TBC1D1: variants seen among roughly 807,000 people sequenced by gnomAD.
TBC1D1 encodes TBC1 domain family member 1, also known as TBC1 (tre-2/USP6, BUB2, cdc16) domain family, member 1.
A neutral mutation model predicts 125.6 loss-of-function variants in TBC1D1; 89 were observed. The ratio of observed to expected loss-of-function variants is 0.71; its 90% CI spans 0.60 to 0.85. The LOEUF is 0.85. Among genes scored for constraint, TBC1D1 ranks in the 40% least tolerant of loss-of-function variants. TBC1D1 has a pLI of 0.00. For synonymous variants in TBC1D1, 565 were observed against 564.1 expected (o/e 1.00, Z -0.02); for missense variants, 1,377 against 1,469.2 (o/e 0.94, Z 1.03).
Position 37,902,296 on chromosome 4 carries a change from C to T in TBC1D1, c.201C>T (p.Cys67=), listed in dbSNP as rs372533862. Residue 67 remains cysteine, a synonymous_variant, in exon 2 of 20, where the codon TGC becomes TGT. Coordinates refer to ENST00000261439, the MANE Select transcript of TBC1D1 (RefSeq NM_015173.4). The stretch of plus-strand genomic sequence containing the variant: ...CTGTAACCAAGCAAGTCCGGCTTTG[C>T]GTTTCACCCTCTGGACTGAGATGTG... 16 of 1,614,016 alleles carry T rather than the reference C, an allele frequency of 9.9e-6. No homozygotes were observed. The highest frequency in any genetic ancestry group is 2.2e-5 in the East Asian group (1 of 44,874).
chr4:38,008,383 G>T (rs1218274509), intron 2 of TBC1D1, among the ~76,000 whole-genome samples: 1 of 152,138 alleles, frequency 6.6e-6, no homozygotes, highest in Admixed American at 6.5e-5. Flanking sequence ...GAAGGTTGTA[G>T]TGAATCTTTT....
intron 15 of TBC1D1, among the ~76,000 whole-genome samples, chr4:38,104,332 G>A (rs1053109442): frequency 1.3e-5 from 2 of 152,164 alleles, no homozygotes; most frequent in Non-Finnish European, 2.9e-5. Flanking sequence ...TAGATTTGCA[G>A]TTGCCACTGT....
intron 2 of TBC1D1, among the ~76,000 whole-genome samples, chr4:37,982,678 C>T (rs1336801207): frequency 6.6e-6 from 1 of 152,154 alleles, no homozygotes; most frequent in Non-Finnish European, 1.5e-5. Context: ...ACCTAATCCA[C>T]AAATAGAACA....
At chr4:38,038,993 G>C (rs10023902) in intron 8 of TBC1D1, among the ~76,000 whole-genome samples, 62,055 of 149,718 alleles carry the variant, frequency 0.41, 14,336 homozygotes, top group East Asian at 0.63. Flanking sequence ...CCCTATATTC[G>C]TCTTCTAGTC....
intron 6 of TBC1D1, among the ~76,000 whole-genome samples, chr4:38,025,158 G>C (rs932860757): frequency 5.3e-5 from 8 of 152,104 alleles, no homozygotes; most frequent in African/African-American, 1.9e-4. Flanking sequence ...ATTCATCACC[G>C]CTCTCTCTAA....
chr4:38,122,710 C>T (rs1469606170), intron 17 of TBC1D1, among the ~76,000 whole-genome samples: 1 of 152,194 alleles, frequency 6.6e-6, no homozygotes, highest in African/African-American at 2.4e-5. Flanking sequence ...GTATTAGATG[C>T]TCAATAGATG....
At chr4:38,023,833 A>G (rs549008543) in intron 6 of TBC1D1, among the ~76,000 whole-genome samples, 4 of 152,352 alleles carry the variant, frequency 2.6e-5, no homozygotes, top group African/African-American at 7.2e-5. Context: ...TTATATATCC[A>G]GAAATGAAAT....
chr4:37,925,269 T>C (rs957540224), intron 2 of TBC1D1, among the ~76,000 whole-genome samples: 4 of 152,358 alleles, frequency 2.6e-5, no homozygotes, highest in South Asian at 4.1e-4. Flanking sequence ...CATGGTGTCT[T>C]GTCTTTGCCA....
At chr4:37,998,459 C>T (rs923159782) in intron 2 of TBC1D1, among the ~76,000 whole-genome samples, 25 of 152,224 alleles carry the variant, frequency 1.6e-4, no homozygotes, top group African/African-American at 5.8e-4. Context: ...CAGCTGTTTG[C>T]TGGCAGCTGG....
At chr4:37,937,580 T>C (rs1724646489) in intron 2 of TBC1D1, among the ~76,000 whole-genome samples, 1 of 152,118 alleles carries the variant, frequency 6.6e-6, no homozygotes, top group African/African-American at 2.4e-5. Flanking sequence ...CTATAATAGC[T>C]AGGAAGTCCA....
At chr4:37,960,963 A>G in intron 2 of TBC1D1, 1 of 1,614,136 alleles carries the variant, frequency 6.2e-7, no homozygotes, top group Non-Finnish European at 8.5e-7. Context: ...ATGGGAATGC[A>G]ATCTGTTTGC....
chr4:38,107,601 T>TTTTTTTTTTTTTTTTTTTTTTG (rs61499918), intron 15 of TBC1D1, among the ~76,000 whole-genome samples: 2 of 131,864 alleles, frequency 1.5e-5, no homozygotes, highest in Non-Finnish European at 1.6e-5. Flanking sequence ...TTTTTTTTTT[T>TTTTTTTTTTTTTTTTTTTTTTG]GGCAATGTGT....
rs116829064 is a variant in TBC1D1 at position 38,101,341 on chromosome 4, G to A, written c.2399-1658G>A. 8.9e-3 allele frequency among the ~76,000 whole-genome samples: 1,357 copies of A among 152,246 alleles called. 17 individuals are homozygous for A. Among genetic ancestry groups the A allele is most frequent in the African/African-American group, 0.031 (1,296 of 41,552 alleles). ...TCTCCCAAAAGACAAGAAAGACTTG[G>A]CATCTTATTCTTCAGTCTTCTTGCT... is the stretch of plus-strand genomic sequence containing the variant. On this transcript the variant is annotated intron_variant, in intron 14 of 19. Transcript: ENST00000261439.
Position 37,897,673 on chromosome 4 carries a change from T to C in TBC1D1, c.-93-4330T>C, listed in dbSNP as rs1714949288. 6.6e-5 allele frequency among the ~76,000 whole-genome samples: 10 copies of C among 152,238 alleles called. 1 individual carries two copies. Among genetic ancestry groups the C allele is most frequent in the Admixed American group, 6.5e-4 (10 of 15,290 alleles). Reference sequence around the variant, plus strand: ...GTAATTCTGCTATGCTTGTTGCCACTATATTAATAACTGCATCATCTAAAA... The same window carrying C: ...GTAATTCTGCTATGCTTGTTGCCACCATATTAATAACTGCATCATCTAAAA... On this transcript the variant is annotated intron_variant, in intron 1 of 19. Coordinates refer to ENST00000261439, the MANE Select transcript of TBC1D1 (RefSeq NM_015173.4).
intron 2 of TBC1D1, among the ~76,000 whole-genome samples, chr4:37,984,378 C>G (rs1277025337): frequency 6.6e-6 from 1 of 152,176 alleles, no homozygotes; most frequent in Non-Finnish European, 1.5e-5. Flanking sequence ...GTATTGCCAT[C>G]AACAATGAAT....
At chr4:37,980,736 A>T (rs1734181451) in intron 2 of TBC1D1, among the ~76,000 whole-genome samples, 1 of 152,226 alleles carries the variant, frequency 6.6e-6, no homozygotes, top group South Asian at 2.1e-4. Flanking sequence ...TGAATAAAGT[A>T]CTTAACTGTG....
At chr4:38,081,498 A>C (rs538705460) in intron 12 of TBC1D1, among the ~76,000 whole-genome samples, 3 of 152,268 alleles carry the variant, frequency 2.0e-5, no homozygotes, top group Admixed American at 1.3e-4. Context: ...CATTTTCTTC[A>C]TAGAACAGGT....
At chr4:38,130,088 A>G (rs1765346965) in intron 18 of TBC1D1, among the ~76,000 whole-genome samples, 1 of 152,256 alleles carries the variant, frequency 6.6e-6, no homozygotes, top group African/African-American at 2.4e-5. Context: ...GTCACTTATA[A>G]TAACAGAAAC....
intron 1 of TBC1D1, among the ~76,000 whole-genome samples, chr4:37,900,063 G>C (rs1306897202): frequency 1.3e-5 from 2 of 151,588 alleles, no homozygotes; most frequent in Non-Finnish European, 2.9e-5. Context: ...GGAGCTTGCA[G>C]TGAGCCGAGA....
Sources: allele counts gnomAD v4.1 joint callset (sites outside exome capture counted in the v4.1 genomes callset), GRCh38; gene constraint gnomAD v4.1.1; transcripts MANE v1.5; gene names NCBI Gene and HGNC (gene_info 2026-07-23, HGNC 2026-07-21).